SORCS2: variants seen among roughly 807,000 people sequenced by gnomAD.
SORCS2 encodes sortilin related VPS10 domain containing receptor 2.
SORCS2 carries 100 observed loss-of-function variants against 141.6 expected under a neutral mutation model. The observed-to-expected ratio is 0.71, with a 90% CI of 0.60 to 0.83. SORCS2 has a LOEUF of 0.83. Ranked by LOEUF, SORCS2 falls within the 40% of genes least tolerant of loss-of-function variation. The pLI is 0.00. For missense variants in SORCS2, 1,646 were observed against 1,560.2 expected, an observed-to-expected ratio of 1.05 and a Z score of -0.93; for synonymous variants, 789 against 676.9, an observed-to-expected ratio of 1.17 and a Z score of -2.57.
chr4:7,457,311 A>C (rs891520059), intron 2 of SORCS2, among the ~76,000 whole-genome samples: 5 of 152,226 alleles, frequency 3.3e-5, no homozygotes, highest in Admixed American at 1.3e-4. Flanking sequence ...ACATGCAGCC[A>C]GGCCTGGAGG....
chr4:7,228,981 C>G (rs909696316), intron 1 of SORCS2, among the ~76,000 whole-genome samples: 1 of 152,188 alleles, frequency 6.6e-6, no homozygotes, highest in African/African-American at 2.4e-5. Flanking sequence ...CGTCCCTGCC[C>G]CGAGTGGACT....
At chr4:7,642,155 C>G (rs960638176) in intron 4 of SORCS2, among the ~76,000 whole-genome samples, 9 of 152,232 alleles carry the variant, frequency 5.9e-5, no homozygotes, top group African/African-American at 2.2e-4. Context: ...TTTGCCATGG[C>G]TCTCGACAGG....
At chr4:7,423,928 C>T (rs551500204) in intron 2 of SORCS2, among the ~76,000 whole-genome samples, 47 of 152,234 alleles carry the variant, frequency 3.1e-4, no homozygotes, top group Non-Finnish European at 6.0e-4. Flanking sequence ...TCATCACACG[C>T]GGTGTTGGGA....
chr4:7,299,375 C>T (rs1046578420), intron 1 of SORCS2, among the ~76,000 whole-genome samples: 1 of 152,236 alleles, frequency 6.6e-6, no homozygotes, highest in African/African-American at 2.4e-5. Context: ...GCTTGTCTTC[C>T]CCTCAGATGG....
chr4:7,728,206 C>T (rs1273206857), intron 21 of SORCS2, 144 bp from the exon 22 acceptor site: 4 of 598,768 alleles, frequency 6.7e-6, no homozygotes, highest in East Asian at 2.9e-5. Flanking sequence ...CTTGAGAAGA[C>T]GATGGGGCTG....
At chr4:7,501,757 T>G (rs1731990986) in intron 2 of SORCS2, among the ~76,000 whole-genome samples, 1 of 152,210 alleles carries the variant, frequency 6.6e-6, no homozygotes, top group South Asian at 2.1e-4. Flanking sequence ...TTAAAATGTG[T>G]CTCGACCAGG....
At chr4:7,317,506 T>C (rs1036616117) in intron 1 of SORCS2, among the ~76,000 whole-genome samples, 3 of 152,238 alleles carry the variant, frequency 2.0e-5, no homozygotes, top group Non-Finnish European at 2.9e-5. Flanking sequence ...CTGTGCTTTT[T>C]GCTCCTGAGC....
intron 20 of SORCS2, among the ~76,000 whole-genome samples, chr4:7,726,112 C>A (rs544051067): frequency 1.3e-5 from 2 of 152,374 alleles, no homozygotes; most frequent in South Asian, 4.1e-4. Context: ...TGCACCATCC[C>A]CATGGCTGGG....
At chr4:7,606,054 G>A (rs532749500) in intron 3 of SORCS2, among the ~76,000 whole-genome samples, 3 of 152,310 alleles carry the variant, frequency 2.0e-5, no homozygotes, top group South Asian at 2.1e-4. Flanking sequence ...TGCTCTGGCC[G>A]GTTGCATGAG....
At chr4:7,249,857 C>T (rs1406519111) in intron 1 of SORCS2, among the ~76,000 whole-genome samples, 1 of 152,208 alleles carries the variant, frequency 6.6e-6, no homozygotes, top group African/African-American at 2.4e-5. Flanking sequence ...GATTTATCCA[C>T]TCAGATTTGC....
chr4:7,627,935 C>T (rs1719621400), intron 3 of SORCS2, among the ~76,000 whole-genome samples: 1 of 152,254 alleles, frequency 6.6e-6, no homozygotes, highest in African/African-American at 2.4e-5. Context: ...CCTTGAGAAA[C>T]AGCTGCCAAT....
chr4:7,476,429 G>A (rs1730295778), intron 2 of SORCS2, among the ~76,000 whole-genome samples: 1 of 152,110 alleles, frequency 6.6e-6, no homozygotes, highest in African/African-American at 2.4e-5. Flanking sequence ...TGCTCTCAAT[G>A]CCTTCAATGG....
intron 3 of SORCS2, among the ~76,000 whole-genome samples, chr4:7,628,519 G>GAAA (rs11461925): frequency 5.7e-4 from 77 of 135,414 alleles, no homozygotes; most frequent in Middle Eastern, 4.0e-3. Context: ...ACTCCGTCTC[G>GAAA]AAAAAAAAAA....
At chr4:7,546,150 A>C (rs1347431174) in intron 3 of SORCS2, among the ~76,000 whole-genome samples, 1 of 152,114 alleles carries the variant, frequency 6.6e-6, no homozygotes, top group Non-Finnish European at 1.5e-5. Flanking sequence ...GAGGAATACA[A>C]CATTCAGTCC....
chr4:7,580,135 CTT>C (rs1319166414), intron 3 of SORCS2, among the ~76,000 whole-genome samples: 2 of 152,212 alleles, frequency 1.3e-5, no homozygotes, highest in Non-Finnish European at 2.9e-5. Context: ...CATATAGTAA[CTT>C]GTCATTTTCT....
intron 3 of SORCS2, among the ~76,000 whole-genome samples, chr4:7,541,421 A>T (rs550967004): frequency 4.6e-5 from 7 of 152,340 alleles, no homozygotes; most frequent in Admixed American, 6.5e-5. Flanking sequence ...CTGTATGGAC[A>T]TGCATTTGCA....
chr4:7,385,984 C>T (rs181217461), intron 1 of SORCS2, among the ~76,000 whole-genome samples: 1 of 152,294 alleles, frequency 6.6e-6, no homozygotes, highest in African/African-American at 2.4e-5. Context: ...TTTTGGAGGC[C>T]AGAAAGGAGG....
chr4:7,653,305 G>A (rs1721554158), intron 4 of SORCS2, among the ~76,000 whole-genome samples: 1 of 152,166 alleles, frequency 6.6e-6, no homozygotes, highest in African/African-American at 2.4e-5. Flanking sequence ...GTGCAGTGGT[G>A]TGATCTTGGC....
intron 3 of SORCS2, among the ~76,000 whole-genome samples, chr4:7,625,532 C>T (rs899643976): frequency 2.0e-5 from 3 of 151,912 alleles, no homozygotes; most frequent in Admixed American, 6.6e-5. Flanking sequence ...GAGACGAGCC[C>T]GGGAGCCAGA....
Sources: allele counts gnomAD v4.1 joint callset (sites outside exome capture counted in the v4.1 genomes callset), GRCh38; gene constraint gnomAD v4.1.1; transcripts MANE v1.5; gene names NCBI Gene and HGNC (gene_info 2026-07-23, HGNC 2026-07-21).